NRXN3: variants seen among roughly 807,000 people sequenced by gnomAD.
NRXN3 encodes neurexin III.
NRXN3 carries 32 observed loss-of-function variants against 137.6 expected under a neutral mutation model. The observed-to-expected ratio is 0.23, with a 90% confidence interval of 0.18 to 0.31. The LOEUF (loss-of-function observed/expected upper bound fraction) is 0.31. Ranked by LOEUF, NRXN3 falls within the 10% of genes least tolerant of loss-of-function variation. NRXN3 has a pLI of 1.00. For synonymous variants in NRXN3, 798 were observed against 784.5 expected (o/e 1.02, Z -0.29); for missense variants, 1,574 against 2,062.5 (o/e 0.76, Z 4.59).
chr14:78,197,733 G>A (rs1443593138), intron 1 of NRXN3, among the ~76,000 whole-genome samples: 1 of 152,194 alleles, frequency 6.6e-6, no homozygotes, highest in Non-Finnish European at 1.5e-5. Context: ...TCATGACCAA[G>A]TATTACTCCT....
intron 15 of NRXN3, among the ~76,000 whole-genome samples, chr14:79,247,651 G>C (rs1179670799): frequency 6.6e-6 from 1 of 152,022 alleles, no homozygotes; most frequent in Non-Finnish European, 1.5e-5. Context: ...CAAAAGCTAG[G>C]TAGTTGTCTT....
intron 8 of NRXN3, among the ~76,000 whole-genome samples, chr14:78,751,624 GCCACC>G (rs1381366931): frequency 6.6e-6 from 1 of 152,126 alleles, no homozygotes; most frequent in East Asian, 1.9e-4. Flanking sequence ...ACATAGTCTT[GCCACC>G]CCTCTCTAAT....
At chr14:78,558,516 T>G (rs1164883431) in intron 4 of NRXN3, among the ~76,000 whole-genome samples, 1 of 152,222 alleles carries the variant, frequency 6.6e-6, no homozygotes, top group Non-Finnish European at 1.5e-5. Context: ...CTGGCTAACT[T>G]CTGTGCTCAG....
rs1377778970 is a variant in NRXN3 at position 78,224,892 on chromosome 14, G to A, written c.-703-17499G>A. On this transcript the variant is annotated intron_variant, in intron 1 of 20. Coordinates refer to ENST00000335750, the MANE Select transcript of NRXN3 (RefSeq NM_001330195.2). ...CGCCATTCTCCTGCCTCAGCCTCCCGAGTAGCTGGGACTACAGGCACCCGC... is the reference window on the plus strand; with the variant it reads ...CGCCATTCTCCTGCCTCAGCCTCCCAAGTAGCTGGGACTACAGGCACCCGC... Among the ~76,000 whole-genome samples, 26 of 147,738 alleles carry A rather than the reference G, an allele frequency of 1.8e-4. No individual in the cohort carries two copies. In the Admixed American group the frequency reaches 1.8e-3, roughly 10 times the overall value.
At chr14:78,482,596 T>C (rs2095491530) in intron 4 of NRXN3, among the ~76,000 whole-genome samples, 2 of 152,214 alleles carry the variant, frequency 1.3e-5, no homozygotes, top group African/African-American at 4.8e-5. Flanking sequence ...TATCATATTC[T>C]TTAGTACTTG....
chr14:78,678,197 A>G (rs994584686), intron 6 of NRXN3, among the ~76,000 whole-genome samples: 1 of 152,166 alleles, frequency 6.6e-6, no homozygotes, highest in Non-Finnish European at 1.5e-5. Context: ...ATTTATATAA[A>G]TGGTATCATA....
chr14:79,726,751 C>T (rs1050321784), intron 19 of NRXN3, among the ~76,000 whole-genome samples: 1 of 152,104 alleles, frequency 6.6e-6, no homozygotes, highest in African/African-American at 2.4e-5. Context: ...CCTTTTAATT[C>T]CTTGCTGAAA....
At chr14:79,102,868 G>A (rs117106178) in intron 15 of NRXN3, among the ~76,000 whole-genome samples, 2 of 152,116 alleles carry the variant, frequency 1.3e-5, no homozygotes, top group Non-Finnish European at 2.9e-5. Flanking sequence ...AAAAATGGTA[G>A]TAAGTGAGAA....
chr14:79,029,074 AAGAG>A (rs946095988), intron 15 of NRXN3, among the ~76,000 whole-genome samples: 2 of 151,964 alleles, frequency 1.3e-5, no homozygotes, highest in African/African-American at 2.4e-5. Context: ...AATAAAGAAA[AAGAG>A]AGAGAGGAAG....
At chr14:78,286,352 G>A (rs893321562) in intron 3 of NRXN3, among the ~76,000 whole-genome samples, 2 of 152,180 alleles carry the variant, frequency 1.3e-5, no homozygotes, top group African/African-American at 4.8e-5. Flanking sequence ...AGACCATTGC[G>A]AGACTATTCT....
chr14:79,790,357 G>A lies in NRXN3; in HGVS notation c.4015-14755G>A, dbSNP rs78114296. On this transcript the variant is annotated intron_variant, in intron 19 of 20. Coordinates refer to ENST00000335750, the MANE Select transcript of NRXN3 (RefSeq NM_001330195.2). ...TTTTTTATTATTTAATTTTTTGAGA[G>A]GGTGGCACGATCATGGCTCACTGGA... Among the ~76,000 whole-genome samples, 618 of 152,058 alleles carry A rather than the reference G, an allele frequency of 4.1e-3. 5 individuals carry two copies. The highest frequency in any genetic ancestry group is 0.014 in the African/African-American group (577 of 41,480).
At chr14:79,027,164 G>A (rs1374226952) in intron 15 of NRXN3, among the ~76,000 whole-genome samples, 1 of 149,650 alleles carries the variant, frequency 6.7e-6, no homozygotes, top group Non-Finnish European at 1.5e-5. Flanking sequence ...TATTTGAAAT[G>A]TGTTAAAAAG....
chr14:79,617,538 C>T (rs2098170605), intron 16 of NRXN3, among the ~76,000 whole-genome samples: 1 of 152,060 alleles, frequency 6.6e-6, no homozygotes, highest in Non-Finnish European at 1.5e-5. Context: ...TAGTCAATGG[C>T]AAATATCAAG....
intron 1 of NRXN3, among the ~76,000 whole-genome samples, chr14:78,232,641 A>AT (rs1240684562): frequency 2.7e-5 from 4 of 150,916 alleles, no homozygotes; most frequent in Non-Finnish European, 5.9e-5. Context: ...TTCCCTCTCC[A>AT]TTTTTTCTCT....
chr14:79,234,315 TATATATA>T (rs1204353956), intron 15 of NRXN3, among the ~76,000 whole-genome samples: 5 of 116,778 alleles, frequency 4.3e-5, no homozygotes, highest in African/African-American at 1.4e-4. Flanking sequence ...TATATATATA[TATATATA>T]TATATATATA....
intron 4 of NRXN3, among the ~76,000 whole-genome samples, chr14:78,482,554 T>C (rs2095490746): frequency 6.6e-6 from 1 of 152,196 alleles, no homozygotes; most frequent in African/African-American, 2.4e-5. Context: ...TAAATACCTG[T>C]CAATGGCTTG....
chr14:78,481,225 G>A (rs774220394), intron 4 of NRXN3, among the ~76,000 whole-genome samples: 25 of 152,148 alleles, frequency 1.6e-4, no homozygotes, highest in African/African-American at 4.8e-5. Context: ...ACAAAATTTT[G>A]TTGGTGAATG....
chr14:78,763,768 C>T (rs1351176795), intron 8 of NRXN3, among the ~76,000 whole-genome samples: 1 of 152,124 alleles, frequency 6.6e-6, no homozygotes, highest in Non-Finnish European at 1.5e-5. Flanking sequence ...CCCAGTGTTT[C>T]CCTGGGACAC....
chr14:79,220,489 G>T (rs1046368916), intron 15 of NRXN3, among the ~76,000 whole-genome samples: 1 of 152,048 alleles, frequency 6.6e-6, no homozygotes, highest in African/African-American at 2.4e-5. Flanking sequence ...GTTTACACTA[G>T]GATTCACTCT....
Sources: allele counts gnomAD v4.1 joint callset (sites outside exome capture counted in the v4.1 genomes callset), GRCh38; gene constraint gnomAD v4.1.1; transcripts MANE v1.5; gene names NCBI Gene and HGNC (gene_info 2026-07-23, HGNC 2026-07-21).